CCSER1: variants seen among roughly 807,000 people sequenced by gnomAD.
CCSER1 encodes serine-rich coiled-coil domain-containing protein 1.
In CCSER1, 41 loss-of-function variants were observed where a neutral mutation model predicts 82.0. That is an observed-to-expected ratio of 0.50 (90% CI 0.39 to 0.65). The LOEUF (loss-of-function observed/expected upper bound fraction) is 0.65, where lower values mean the gene tolerates loss of function less well. Ranked by LOEUF, CCSER1 falls within the 30% of genes least tolerant of loss-of-function variation. The pLI, the probability that CCSER1 is intolerant of heterozygous loss-of-function variation, is 0.00. For missense variants in CCSER1, 1,119 were observed against 1,064.2 expected (o/e 1.05, Z -0.72); for synonymous variants, 414 against 383.9 (o/e 1.08, Z -0.92).
intron 9 of CCSER1, among the ~76,000 whole-genome samples, chr4:91,047,645 C>T (rs1742629127): frequency 6.6e-6 from 1 of 152,026 alleles, no homozygotes; most frequent in South Asian, 2.1e-4. Flanking sequence ...TTCAGATTAC[C>T]TCTATGAACT....
chr4:90,815,884 C>G lies in CCSER1; in HGVS notation c.2094+39C>G, dbSNP rs1387939476. ...ATGCTTGGCCCACGAGTGTACTTTA[C>G]TTTCAAGGTTATTTGTTCCACGCCC... On this transcript the variant is annotated intron_variant, in intron 8 of 10. Coordinates refer to ENST00000509176, the MANE Select transcript of CCSER1 (RefSeq NM_001145065.2). The G allele has an allele frequency of 2.1e-6, 3 of 1,404,828 alleles. No homozygotes were observed. The East Asian group carries it at 7.5e-5, about 35-fold the overall frequency. The allele number at this position is 1,404,828 out of a possible 1,614,324, so 87.0% of individuals were successfully genotyped here.
chr4:90,975,289 G>A (rs557226457), intron 9 of CCSER1, among the ~76,000 whole-genome samples: 24 of 151,054 alleles, frequency 1.6e-4, no homozygotes, highest in South Asian at 6.2e-4. Flanking sequence ...ATTAGATAGC[G>A]GTTATGTTGA....
At chr4:90,289,018 C>T (rs1033148552) in intron 1 of CCSER1, among the ~76,000 whole-genome samples, 7 of 151,886 alleles carry the variant, frequency 4.6e-5, no homozygotes, top group Non-Finnish European at 1.0e-4. Context: ...CCATTCTCCC[C>T]TTTCCTTCCT....
intron 6 of CCSER1, among the ~76,000 whole-genome samples, chr4:90,633,057 T>G (rs965727): frequency 3.0e-4 from 46 of 151,890 alleles, no homozygotes; most frequent in African/African-American, 1.1e-3. Context: ...TCTCCTCATT[T>G]TAATTGCTAA....
chr4:90,720,433 G>C (rs1189961881), intron 6 of CCSER1, among the ~76,000 whole-genome samples: 4 of 151,878 alleles, frequency 2.6e-5, no homozygotes, highest in Non-Finnish European at 5.9e-5. Context: ...ACTTGTAAAA[G>C]ATTCTTTCAT....
Position 91,308,767 on chromosome 4 carries a change from T to C in CCSER1, c.2217+222773T>C, listed in dbSNP as rs369365233. ...CCATTTAGTGGAATGTAGTCAACAG[T>C]AATGTATTGCCAAGTTAATGACACC... On this transcript the variant is annotated intron_variant, in intron 10 of 10. Transcript: ENST00000509176. Among the ~76,000 whole-genome samples, 673 of 152,126 alleles carry C rather than the reference T, an allele frequency of 4.4e-3. 4 individuals are homozygous for C. Among genetic ancestry groups the C allele is most frequent in the African/African-American group, 0.016 (648 of 41,558 alleles).
intron 8 of CCSER1, among the ~76,000 whole-genome samples, chr4:90,828,152 G>C (rs573610640): frequency 1.3e-5 from 2 of 152,248 alleles, no homozygotes; most frequent in African/African-American, 4.8e-5. Context: ...AGCCAGATAA[G>C]GGGAGCTCTG....
chr4:90,468,158 G>C, intron 4 of CCSER1, 76 bp from the exon 5 acceptor site: 1 of 1,252,848 alleles, frequency 8.0e-7, no homozygotes, highest in South Asian at 1.8e-5. Flanking sequence ...ACTAAATATA[G>C]AAAGGGGAAA....
chr4:90,837,185 A>C (rs1404131402), intron 8 of CCSER1, among the ~76,000 whole-genome samples: 1 of 152,146 alleles, frequency 6.6e-6, no homozygotes, highest in Non-Finnish European at 1.5e-5. Context: ...TTCTAATTAT[A>C]ATTTTTATTT....
intron 1 of CCSER1, among the ~76,000 whole-genome samples, chr4:90,147,048 T>G (rs1725940035): frequency 6.6e-6 from 1 of 152,146 alleles, no homozygotes; most frequent in African/African-American, 2.4e-5. Flanking sequence ...ACTTAGTTGT[T>G]TAATTCATTT....
At chr4:91,117,973 T>C (rs1186907720) in intron 10 of CCSER1, among the ~76,000 whole-genome samples, 3 of 152,210 alleles carry the variant, frequency 2.0e-5, no homozygotes, top group African/African-American at 7.2e-5. Context: ...TTTTAAAATA[T>C]AGGCCCAAAA....
chr4:91,498,635 TTC>T (rs1227567286), intron 10 of CCSER1, among the ~76,000 whole-genome samples: 1 of 151,780 alleles, frequency 6.6e-6, no homozygotes, highest in East Asian at 1.9e-4. Flanking sequence ...ATAATTTTAT[TTC>T]TCTTTTTTAT....
chr4:91,442,149 A>G (rs1560674976), intron 10 of CCSER1, among the ~76,000 whole-genome samples: 1 of 151,620 alleles, frequency 6.6e-6, no homozygotes, highest in Non-Finnish European at 1.5e-5. Flanking sequence ...ACCAAAAAAG[A>G]GCCCACATCG....
chr4:90,736,736 TACTC>T (rs2149426052), intron 7 of CCSER1, among the ~76,000 whole-genome samples: 1 of 152,104 alleles, frequency 6.6e-6, no homozygotes, highest in South Asian at 2.1e-4. Flanking sequence ...TACTCCTACT[TACTC>T]CTATTTTGTT....
At chr4:91,153,145 A>G (rs1024131641) in intron 10 of CCSER1, among the ~76,000 whole-genome samples, 1 of 151,920 alleles carries the variant, frequency 6.6e-6, no homozygotes, top group African/African-American at 2.4e-5. Flanking sequence ...TTTCAGATAT[A>G]CCAATCAGAT....
intron 7 of CCSER1, among the ~76,000 whole-genome samples, chr4:90,726,740 T>C (rs181863762): frequency 6.6e-6 from 1 of 152,278 alleles, no homozygotes; most frequent in African/African-American, 2.4e-5. Context: ...AGTGGTTTGA[T>C]TGGTGTAGCT....
At chr4:90,409,472 T>C (rs1331281519) in intron 4 of CCSER1, among the ~76,000 whole-genome samples, 3 of 152,182 alleles carry the variant, frequency 2.0e-5, no homozygotes, top group African/African-American at 7.2e-5. Flanking sequence ...TGGGGGCCAA[T>C]ATTCAACATT....
Position 91,309,352 on chromosome 4 carries a change from A to ATGTG in CCSER1, c.2217+223368_2217+223371dup, listed in dbSNP as rs5860229. Among the ~76,000 whole-genome samples the ATGTG allele has an allele frequency of 4.8e-3, 728 of 151,420 alleles. 3 individuals are homozygous for ATGTG. Among genetic ancestry groups the ATGTG allele is most frequent in the African/African-American group, 0.016 (678 of 41,326 alleles). ...GCCACTGATGATTCTGTAAAAATGTATGTGTGTGTGTGTTTGTGTGCATGT... is the reference window on the plus strand; with the variant it reads ...GCCACTGATGATTCTGTAAAAATGTATGTGTGTGTGTGTGTGTTTGTGTGCATGT... On this transcript the variant is annotated intron_variant, in intron 10 of 10. Transcript: ENST00000509176.
intron 10 of CCSER1, among the ~76,000 whole-genome samples, chr4:91,216,332 TTGTTTGAGACAGAGTCTCGC>T (rs1737235992): frequency 2.0e-5 from 3 of 152,272 alleles, no homozygotes; most frequent in Non-Finnish European, 4.4e-5. Context: ...ATTTTTTTGT[TTGTTTGAGACAGAGTCTCGC>T]TCTGTCGCCC....
Sources: gnomAD v4.1 joint callset for allele counts (sites outside exome capture counted in the v4.1 genomes callset) on GRCh38, gnomAD v4.1.1 for gene constraint, MANE v1.5 for transcripts, NCBI Gene and HGNC (gene_info 2026-07-23, HGNC 2026-07-21) for gene names.